ZNF804B: variants seen among roughly 807,000 people sequenced by gnomAD.
ZNF804B encodes zinc finger protein 804B.
In ZNF804B, 80 loss-of-function variants were observed where a neutral mutation model predicts 101.4. That is an observed-to-expected ratio of 0.79 (90% confidence interval 0.66 to 0.95). The LOEUF is 0.95. ZNF804B is among the 40% of genes least tolerant of loss of function. ZNF804B has a pLI of 0.00. For missense variants in ZNF804B, 1,673 were observed against 1,561.9 expected (o/e 1.07, Z -1.20); for synonymous variants, 622 against 558.8 (o/e 1.11, Z -1.59).
chr7:88,954,555 G>GCCCCC (rs10646255), intron 1 of ZNF804B, among the ~76,000 whole-genome samples: 1 of 148,580 alleles, frequency 6.7e-6, no homozygotes, highest in Non-Finnish European at 1.5e-5. Flanking sequence ...TCTAAAACAT[G>GCCCCC]CCCCCCCCCC....
rs192476347 is a variant in ZNF804B at position 89,208,828 on chromosome 7, C to T, written c.109-9327C>T. On this transcript the variant is annotated intron_variant, in intron 1 of 3. Transcript: ENST00000333190. The stretch of plus-strand genomic sequence containing the variant: ...GAGATCGAGACCATCCTGGCTAACA[C>T]GGTGAAACCCCGTCTGTACTGAAAA... Among the ~76,000 whole-genome samples, 62 of 152,036 alleles carry T rather than the reference C, an allele frequency of 4.1e-4. 1 individual carries two copies. In the East Asian group the frequency reaches 0.012, roughly 28 times the overall value.
intron 1 of ZNF804B, among the ~76,000 whole-genome samples, chr7:88,787,617 C>T (rs17164363): frequency 0.017 from 2,615 of 152,234 alleles, 52 homozygotes; most frequent in East Asian, 0.087. Context: ...ATGATGGGAA[C>T]TTTACACCAT....
At chr7:88,995,099 G>A (rs368362304) in intron 1 of ZNF804B, among the ~76,000 whole-genome samples, 108 of 152,134 alleles carry the variant, frequency 7.1e-4, no homozygotes, top group African/African-American at 2.6e-3. Flanking sequence ...CTTGCATATC[G>A]CCTGCCTATC....
intron 1 of ZNF804B, among the ~76,000 whole-genome samples, chr7:89,088,828 T>G (rs1397417749): frequency 2.0e-5 from 3 of 151,624 alleles, no homozygotes; most frequent in Non-Finnish European, 4.4e-5. Context: ...AGTTGATGTT[T>G]TCTTCCTTCT....
At chr7:89,206,103 C>T (rs1448543138) in intron 1 of ZNF804B, among the ~76,000 whole-genome samples, 1 of 152,220 alleles carries the variant, frequency 6.6e-6, no homozygotes, top group African/African-American at 2.4e-5. Context: ...CCACTTTTAG[C>T]CATGGCTGGA....
At chr7:88,810,828 A>C (rs746421472) in intron 1 of ZNF804B, among the ~76,000 whole-genome samples, 1 of 152,202 alleles carries the variant, frequency 6.6e-6, no homozygotes, top group Non-Finnish European at 1.5e-5. Flanking sequence ...AATAAGCAAC[A>C]GTCTATGAAC....
chr7:89,034,948 G>T (rs16868596), intron 1 of ZNF804B, among the ~76,000 whole-genome samples: 2,907 of 152,130 alleles, frequency 0.019, 36 homozygotes, highest in South Asian at 0.031. Flanking sequence ...CCACTGAGAT[G>T]TTAGTTTATT....
chr7:89,302,187 C>G (rs532771640), intron 2 of ZNF804B, among the ~76,000 whole-genome samples: 4 of 151,776 alleles, frequency 2.6e-5, no homozygotes, highest in Non-Finnish European at 4.4e-5. Flanking sequence ...TGTGTGTATA[C>G]CAAATATATG....
intron 1 of ZNF804B, among the ~76,000 whole-genome samples, chr7:88,783,573 G>A (rs1026010942): frequency 6.6e-6 from 1 of 152,160 alleles, no homozygotes; most frequent in Admixed American, 6.6e-5. Context: ...TGTCGAAGGT[G>A]AGTGATGGGT....
intron 2 of ZNF804B, among the ~76,000 whole-genome samples, chr7:89,301,060 T>G (rs978418434): frequency 1.3e-5 from 2 of 150,788 alleles, no homozygotes; most frequent in African/African-American, 4.9e-5. Context: ...CCTCTTATAT[T>G]TATGTAGAGA....
intron 1 of ZNF804B, among the ~76,000 whole-genome samples, chr7:89,192,943 T>G (rs1788481343): frequency 6.6e-6 from 1 of 152,050 alleles, no homozygotes; most frequent in Admixed American, 6.6e-5. Flanking sequence ...TCAAAAAAAT[T>G]CAACATCCTT....
intron 1 of ZNF804B, among the ~76,000 whole-genome samples, chr7:89,013,917 T>A (rs528315183): frequency 6.6e-6 from 1 of 152,224 alleles, no homozygotes; most frequent in Non-Finnish European, 1.5e-5. Context: ...CGCAGGGTCA[T>A]TTATGTCACT....
At chr7:88,764,074 A>G (rs1162116965) in intron 1 of ZNF804B, among the ~76,000 whole-genome samples, 3 of 152,338 alleles carry the variant, frequency 2.0e-5, no homozygotes, top group East Asian at 3.9e-4. Flanking sequence ...TCAATAAAAC[A>G]AATAGCTTCT....
intron 1 of ZNF804B, among the ~76,000 whole-genome samples, chr7:89,176,591 C>CATG (rs1791325531): frequency 1.4e-5 from 1 of 71,942 alleles, no homozygotes; most frequent in Non-Finnish European, 2.7e-5. Flanking sequence ...TTCTTTCTTT[C>CATG]TTTTTTTTTT....
At position 89,197,989 on chromosome 7, in the gene ZNF804B, A is replaced by G. The variant is rs142741960; in HGVS notation, c.109-20166A>G. Among the ~76,000 whole-genome samples, 1,437 of 151,974 alleles carry G rather than the reference A, an allele frequency of 9.5e-3. 29 individuals are homozygous for G. The highest frequency in any genetic ancestry group is 0.032 in the African/African-American group (1,325 of 41,534). On this transcript the variant is annotated intron_variant, in intron 1 of 3. Transcript: ENST00000333190. ...TTCCACATACAGATCTGGCCATTAA[A>G]TATTGATGAGTAGAACACTGACCTT... is the stretch of plus-strand genomic sequence containing the variant.
intron 1 of ZNF804B, among the ~76,000 whole-genome samples, chr7:88,995,227 A>G (rs1454738074): frequency 1.3e-5 from 2 of 152,042 alleles, no homozygotes; most frequent in African/African-American, 4.8e-5. Context: ...AGAAAAATAG[A>G]TAGGTCAAGG....
At chr7:88,767,663 C>T (rs1790005038) in intron 1 of ZNF804B, among the ~76,000 whole-genome samples, 1 of 152,158 alleles carries the variant, frequency 6.6e-6, no homozygotes, top group Non-Finnish European at 1.5e-5. Context: ...ATATTACTTG[C>T]ATTCACATTC....
chr7:89,227,034 T>C (rs775601682), intron 2 of ZNF804B, among the ~76,000 whole-genome samples: 2 of 152,198 alleles, frequency 1.3e-5, no homozygotes, highest in African/African-American at 4.8e-5. Flanking sequence ...GTCAGATGCA[T>C]AGCTATTGTT....
chr7:89,329,059 A>G (rs1279121143), intron 3 of ZNF804B, among the ~76,000 whole-genome samples: 1 of 151,664 alleles, frequency 6.6e-6, no homozygotes, highest in African/African-American at 2.4e-5. Flanking sequence ...GCTACCCATT[A>G]AGTTTCTTTC....
Sources: allele counts gnomAD v4.1 joint callset (sites outside exome capture counted in the v4.1 genomes callset), GRCh38; gene constraint gnomAD v4.1.1; transcripts MANE v1.5; gene names NCBI Gene and HGNC (gene_info 2026-07-23, HGNC 2026-07-21).